PLPP3: variants seen among roughly 807,000 people sequenced by gnomAD.
PLPP3 encodes the protein PAP2 beta.
PLPP3 carries 6 observed loss-of-function variants against 29.6 expected under a neutral mutation model. The observed-to-expected ratio is 0.20, with a 90% CI of 0.11 to 0.40. The LOEUF (loss-of-function observed/expected upper bound fraction) is 0.40, where lower values mean the gene tolerates loss of function less well. PLPP3 is among the 10% of genes least tolerant of loss of function. PLPP3 has a pLI of 1.00. For synonymous variants in PLPP3, 152 were observed against 159.7 expected, an observed-to-expected ratio of 0.95 and a Z score of 0.36; for missense variants, 308 against 407.7, an observed-to-expected ratio of 0.76 and a Z score of 2.11.
chr1:56,517,819 C>T (rs1187245320), intron 4 of PLPP3, among the ~76,000 whole-genome samples: 1 of 152,206 alleles, frequency 6.6e-6, no homozygotes, highest in African/African-American at 2.4e-5. Context: ...AATTCACCTG[C>T]ACACACTTCC....
At chr1:56,535,341 A>G (rs189348904) in intron 2 of PLPP3, among the ~76,000 whole-genome samples, 82 of 152,298 alleles carry the variant, frequency 5.4e-4, no homozygotes, top group Non-Finnish European at 7.4e-5. Context: ...TTTCACGTGT[A>G]TCCCCATACA....
intron 2 of PLPP3, among the ~76,000 whole-genome samples, chr1:56,536,097 C>T (rs1389188881): frequency 6.6e-6 from 1 of 152,166 alleles, no homozygotes; most frequent in Admixed American, 6.5e-5. Context: ...TGTCCCTGTG[C>T]TTTTCTTATC....
intron 1 of PLPP3, among the ~76,000 whole-genome samples, chr1:56,572,534 C>T (rs545778142): frequency 6.6e-6 from 1 of 152,238 alleles, no homozygotes; most frequent in Admixed American, 6.5e-5. Flanking sequence ...ACCACCAAAG[C>T]CTATTGAGGT....
intron 2 of PLPP3, among the ~76,000 whole-genome samples, chr1:56,531,172 C>T (rs893823883): frequency 1.3e-5 from 2 of 152,190 alleles, no homozygotes; most frequent in Non-Finnish European, 2.9e-5. Context: ...GCCTTAAGTG[C>T]TCTTCCTCTG....
At chr1:56,552,891 T>C (rs1646050330) in intron 1 of PLPP3, among the ~76,000 whole-genome samples, 1 of 152,156 alleles carries the variant, frequency 6.6e-6, no homozygotes, top group African/African-American at 2.4e-5. Context: ...AGGCCCTCTG[T>C]GCAGCAGAAA....
chr1:56,538,541 T>C (rs1645944674), intron 1 of PLPP3: 1 of 383,322 alleles, frequency 2.6e-6, no homozygotes, highest in African/African-American at 2.3e-5. Context: ...TGGCCACGTA[T>C]ATGAGAATCT....
At chr1:56,556,339 T>C (rs1646076440) in intron 1 of PLPP3, among the ~76,000 whole-genome samples, 1 of 152,212 alleles carries the variant, frequency 6.6e-6, no homozygotes, top group South Asian at 2.1e-4. Context: ...GATACAGGAA[T>C]ACTTAATTAT....
At chr1:56,511,853 C>T in intron 5 of PLPP3, 123 bp downstream of exon 5, 1 of 1,193,304 alleles carries the variant, frequency 8.4e-7, no homozygotes, top group Admixed American at 2.1e-5. Flanking sequence ...GGCCAGGTGA[C>T]TCTTCAGACA....
At chr1:56,578,142 TC>T (rs1646248751) in intron 1 of PLPP3, among the ~76,000 whole-genome samples, 1 of 152,032 alleles carries the variant, frequency 6.6e-6, no homozygotes, top group Admixed American at 6.6e-5. Context: ...AAATTTGTGG[TC>T]CCCAAACAAG....
chr1:56,516,900 A>G (rs1244764453), intron 4 of PLPP3: 2 of 152,182 alleles, frequency 1.3e-5, no homozygotes, highest in Non-Finnish European at 2.9e-5. Flanking sequence ...CTGTCAGTGC[A>G]GTTCTCTTCT....
intron 1 of PLPP3, chr1:56,538,330 G>C: frequency 8.6e-6 from 2 of 231,976 alleles, no homozygotes; most frequent in Admixed American, 9.4e-5. Flanking sequence ...GCAATACCAA[G>C]CTCCAATGAC....
intron 1 of PLPP3, among the ~76,000 whole-genome samples, chr1:56,546,633 T>C (rs1646008473): frequency 6.6e-6 from 1 of 152,182 alleles, no homozygotes. Flanking sequence ...ATTTTAGTTA[T>C]GGGGAAACTG....
chr1:56,553,613 T>C (rs1008093969), intron 1 of PLPP3, among the ~76,000 whole-genome samples: 1 of 152,138 alleles, frequency 6.6e-6, no homozygotes, highest in South Asian at 2.1e-4. Context: ...CTGAAACTCA[T>C]TGCTGGAGTT....
chr1:56,548,509 C>T (rs1646019316), intron 1 of PLPP3, among the ~76,000 whole-genome samples: 2 of 152,130 alleles, frequency 1.3e-5, no homozygotes, highest in Admixed American at 1.3e-4. Flanking sequence ...CTTCTTTTCC[C>T]AGAGATCTAA....
intron 1 of PLPP3, among the ~76,000 whole-genome samples, chr1:56,542,781 G>A (rs1448808134): frequency 3.3e-5 from 5 of 152,048 alleles, no homozygotes; most frequent in African/African-American, 9.7e-5. Context: ...TAGCCCTTTG[G>A]GAGGCTGAGG....
intron 1 of PLPP3, among the ~76,000 whole-genome samples, chr1:56,546,451 TAGTA>T (rs1464845266): frequency 1.3e-5 from 2 of 152,204 alleles, no homozygotes; most frequent in Non-Finnish European, 2.9e-5. Context: ...ATGTCTCCCA[TAGTA>T]AGTAATGGCC....
chr1:56,561,782 C>T (rs1255955330), intron 1 of PLPP3, among the ~76,000 whole-genome samples: 1 of 151,956 alleles, frequency 6.6e-6, no homozygotes, highest in African/African-American at 2.4e-5. Flanking sequence ...CGCCTGTAAT[C>T]CCAGCACTCT....
intron 5 of PLPP3, among the ~76,000 whole-genome samples, chr1:56,510,844 C>G (rs1487141104): frequency 6.6e-6 from 1 of 152,144 alleles, no homozygotes; most frequent in African/African-American, 2.4e-5. Flanking sequence ...TCCCTGCCCC[C>G]AAGAACTTAC....
chr1:56,576,286 T>C (rs1181213042), intron 1 of PLPP3, among the ~76,000 whole-genome samples: 2 of 152,184 alleles, frequency 1.3e-5, no homozygotes, highest in South Asian at 2.1e-4. Context: ...ATTAGTGCCC[T>C]GTAATCCAGA....
Sources: allele counts gnomAD v4.1 joint callset (sites outside exome capture counted in the v4.1 genomes callset), GRCh38; gene constraint gnomAD v4.1.1; transcripts MANE v1.5; gene names NCBI Gene and HGNC (gene_info 2026-07-23, HGNC 2026-07-21).